The following HPSE2 variants were observed in gnomAD, a reference collection of about 807,000 sequenced individuals.
HPSE2 encodes the protein heparanase 2 (inactive).
A neutral mutation model predicts 60.5 loss-of-function variants in HPSE2; 38 were observed. That is an observed-to-expected ratio of 0.63 (90% CI 0.48 to 0.82). The LOEUF is 0.82. Ranked by LOEUF, HPSE2 falls within the 40% of genes least tolerant of loss-of-function variation. The probability of loss-of-function intolerance (pLI) is 0.00; values close to 1 mark genes in which losing one functional copy is unlikely to be tolerated. For synonymous variants in HPSE2, 295 were observed against 293.2 expected (o/e 1.01, Z -0.06); for missense variants, 713 against 740.4 (o/e 0.96, Z 0.43).
At chr10:98,705,756 G>C (rs566537358) in intron 5 of HPSE2, among the ~76,000 whole-genome samples, 2 of 152,048 alleles carry the variant, frequency 1.3e-5, no homozygotes, top group South Asian at 4.2e-4. Context: ...GTCCAGTCGC[G>C]GGGTGGGGGA....
intron 9 of HPSE2, among the ~76,000 whole-genome samples, chr10:98,561,028 A>G (rs1203625037): frequency 6.6e-6 from 1 of 152,226 alleles, no homozygotes; most frequent in African/African-American, 2.4e-5. Flanking sequence ...AAAATTTAAC[A>G]GCCTCAGGCA....
At chr10:98,641,404 T>TC (rs1229407661) in intron 7 of HPSE2, among the ~76,000 whole-genome samples, 5 of 152,052 alleles carry the variant, frequency 3.3e-5, no homozygotes, top group Non-Finnish European at 7.4e-5. Context: ...TTGGCCAGCA[T>TC]GGTGAAACGC....
At chr10:98,903,544 ACTCT>A (rs755946593) in intron 3 of HPSE2, among the ~76,000 whole-genome samples, 2 of 150,924 alleles carry the variant, frequency 1.3e-5, no homozygotes, top group Non-Finnish European at 3.0e-5. Context: ...AAGCGGTCTC[ACTCT>A]CTCTCTCTCG....
At chr10:99,059,558 A>G (rs951256788) in intron 3 of HPSE2, among the ~76,000 whole-genome samples, 5 of 152,170 alleles carry the variant, frequency 3.3e-5, no homozygotes, top group Non-Finnish European at 5.9e-5. Context: ...TAATACAGGT[A>G]CCAGTACCTT....
At chr10:98,930,400 G>A (rs1002634387) in intron 3 of HPSE2, among the ~76,000 whole-genome samples, 3 of 144,378 alleles carry the variant, frequency 2.1e-5, no homozygotes, top group East Asian at 3.9e-4. Context: ...GAGCATTTGG[G>A]TTGATTCCAT....
In HPSE2 at chr10:99,030,783, A is replaced by G. The variant is rs1026788817; in HGVS notation, c.610+113455T>C. ...AGAAAATGTAGTACATATATATACAATGGAGTACCATTCAGCTATAAAAAG... is the reference window on the plus strand; with the variant it reads ...AGAAAATGTAGTACATATATATACAGTGGAGTACCATTCAGCTATAAAAAG... On this transcript the variant is annotated intron_variant, in intron 3 of 11. Transcript: ENST00000370552. 5.3e-5 allele frequency among the ~76,000 whole-genome samples: 8 copies of G among 152,224 alleles called. No homozygotes were observed. The East Asian group carries it at 1.5e-3, about 29-fold the overall frequency.
At position 99,109,554 on chromosome 10, in the gene HPSE2, G is replaced by A. The variant is rs1445185858; in HGVS notation, c.610+34684C>T. Among the ~76,000 whole-genome samples, 5 of 152,162 alleles carry A rather than the reference G, an allele frequency of 3.3e-5. No individual in the cohort carries two copies. The East Asian group carries it at 9.7e-4, about 29-fold the overall frequency. ...AGGAATGATAATGCTAACCAGGAAG[G>A]TCTTGTGCTATATGGGGTTGTCTCT... On this transcript the variant is annotated intron_variant, in intron 3 of 11. Coordinates refer to ENST00000370552, the MANE Select transcript of HPSE2 (RefSeq NM_021828.5).
At chr10:99,149,436 C>G (rs141908276) in intron 2 of HPSE2, among the ~76,000 whole-genome samples, 389 of 152,272 alleles carry the variant, frequency 2.6e-3, no homozygotes, top group African/African-American at 7.5e-3. Context: ...CAAATATATA[C>G]AAGTTTGGAT....
chr10:98,959,788 T>G (rs1258010303), intron 3 of HPSE2, among the ~76,000 whole-genome samples: 1 of 152,078 alleles, frequency 6.6e-6, no homozygotes, highest in Non-Finnish European at 1.5e-5. Flanking sequence ...ATTAGAAATG[T>G]GGGAAAGCTG....
chr10:98,498,507 G>A (rs1199920411), intron 9 of HPSE2, among the ~76,000 whole-genome samples: 1 of 152,140 alleles, frequency 6.6e-6, no homozygotes, highest in East Asian at 1.9e-4. Flanking sequence ...GCCTTTAGCT[G>A]TAGACCTTCC....
At chr10:98,595,369 A>G (rs866661668) in intron 9 of HPSE2, among the ~76,000 whole-genome samples, 5 of 151,810 alleles carry the variant, frequency 3.3e-5, no homozygotes, top group Admixed American at 3.3e-4. Context: ...ATGGGGTTTC[A>G]CTGTGTTAGC....
At chr10:99,261,406 G>T in the HPSE2 span, among the ~76,000 whole-genome samples, 10 of 152,118 alleles carry the variant, frequency 6.6e-5, no homozygotes, top group Admixed American at 2.6e-4. Flanking sequence ...CCCAACAATT[G>T]CCTCTTAAAG....
At chr10:99,067,087 C>T (rs1842641515) in intron 3 of HPSE2, among the ~76,000 whole-genome samples, 1 of 152,182 alleles carries the variant, frequency 6.6e-6, no homozygotes, top group Non-Finnish European at 1.5e-5. Flanking sequence ...TATTAAAGCT[C>T]CAAAATGATC....
At chr10:99,235,980 TCG>T (rs1334802554), upstream of HPSE2, 23 of 468,176 alleles carry the variant, frequency 4.9e-5, no homozygotes, top group African/African-American at 4.7e-4. Context: ...GCTCGCTCGC[TCG>T]CTCGTTTTGT....
chr10:98,762,320 A>T (rs1950024682), intron 3 of HPSE2, among the ~76,000 whole-genome samples: 1 of 151,472 alleles, frequency 6.6e-6, no homozygotes, highest in Non-Finnish European at 1.5e-5. Flanking sequence ...TAAAACCTTG[A>T]GAAAAAAGAT....
Position 98,849,309 on chromosome 10 carries a change from A to T in HPSE2, c.611-105253T>A, listed in dbSNP as rs571173827. On this transcript the variant is annotated intron_variant, in intron 3 of 11. Coordinates refer to ENST00000370552, the MANE Select transcript of HPSE2 (RefSeq NM_021828.5). ...TGTGTATGCACACATCCATATACAC[A>T]CATATATAAGCACATGTGTGAAGGA... Among the ~76,000 whole-genome samples, 5 of 152,378 alleles carry T rather than the reference A, an allele frequency of 3.3e-5. No individual in the cohort carries two copies. The South Asian group carries it at 8.3e-4, about 25-fold the overall frequency.
intron 8 of HPSE2, among the ~76,000 whole-genome samples, chr10:98,619,046 T>G (rs540149306): frequency 6.6e-6 from 1 of 152,320 alleles, no homozygotes; most frequent in Admixed American, 6.5e-5. Context: ...CACTGAATCA[T>G]TTTCTTCATC....
chr10:99,037,258 G>A (rs1303039556), intron 3 of HPSE2, among the ~76,000 whole-genome samples: 1 of 152,118 alleles, frequency 6.6e-6, no homozygotes, highest in African/African-American at 2.4e-5. Context: ...TCCTGTATTA[G>A]ATCCTGGGAC....
At chr10:98,729,372 G>A (rs895657804) in intron 4 of HPSE2, among the ~76,000 whole-genome samples, 10 of 152,128 alleles carry the variant, frequency 6.6e-5, no homozygotes, top group African/African-American at 2.2e-4. Flanking sequence ...CACTTTGGGA[G>A]GCCAAGATGG....
Sources: allele counts gnomAD v4.1 joint callset (sites outside exome capture counted in the v4.1 genomes callset), GRCh38; gene constraint gnomAD v4.1.1; transcripts MANE v1.5; gene names NCBI Gene and HGNC (gene_info 2026-07-23, HGNC 2026-07-21).